Variants in NPL observed in about 807,000 individuals in gnomAD.
NPL encodes the protein N-acetylneuraminate lyase.
Under a neutral mutation model 41.1 loss-of-function variants are expected in NPL, and 32 were observed. The observed-to-expected ratio is 0.78, with a 90% CI of 0.59 to 1.05. NPL has a LOEUF of 1.05. Among genes scored for constraint, NPL ranks in the 50% least tolerant of loss-of-function variants. NPL has a pLI of 0.00. For missense variants in NPL, 321 were observed against 378.4 expected, an observed-to-expected ratio of 0.85 and a Z score of 1.26; for synonymous variants, 128 against 134.9, an observed-to-expected ratio of 0.95 and a Z score of 0.35.
At chr1:182,808,600 A>G (rs994340310) in intron 5 of NPL, among the ~76,000 whole-genome samples, 17 of 152,142 alleles carry the variant, frequency 1.1e-4, no homozygotes, top group Admixed American at 6.5e-4. Context: ...AAAAATGTTG[A>G]GCGTGTTTCT....
intron 6 of NPL, among the ~76,000 whole-genome samples, chr1:182,814,407 A>G (rs776032734): frequency 1.3e-5 from 2 of 152,336 alleles, no homozygotes; most frequent in Non-Finnish European, 2.9e-5. Flanking sequence ...ATTTTACAAT[A>G]TGACTGTCTT....
In NPL at chr1:182,829,857, T is replaced by C. The variant is rs1667722737; in HGVS notation, c.*949T>C. On this transcript the variant is annotated 3_prime_UTR_variant, in exon 13 of 13. Transcript: ENST00000367553. ...CTCAGAACTTTCTCTCCATACCTCCTTTTACTCTTTTCTTTCTGTGTAATG... is the reference window on the plus strand; with the variant it reads ...CTCAGAACTTTCTCTCCATACCTCCCTTTACTCTTTTCTTTCTGTGTAATG... The C allele has an allele frequency of 1.8e-6, 1 of 544,978 alleles. No homozygotes were observed. The allele number at this position is 544,978 out of a possible 1,614,324, so 33.8% of individuals were successfully genotyped here.
In NPL at chr1:182,806,435, C is replaced by T. The variant is rs554736137; in HGVS notation, c.230+203C>T. 4 of 1,537,272 alleles carry T rather than the reference C, an allele frequency of 2.6e-6. No individual in the cohort carries two copies. In the African/African-American group the frequency reaches 5.5e-5, roughly 21 times the overall value. On this transcript the variant is annotated intron_variant, in intron 5 of 12. Coordinates refer to ENST00000367553, the MANE Select transcript of NPL (RefSeq NM_030769.3). ...TCTGTGCAGAAGGGCAGCCAAACTG[C>T]TAGACACACCTGCCACCCAGAGGTT...
rs1571283504 is a variant in NPL at position 182,829,160 on chromosome 1, G to A, written c.*252G>A. Reference sequence around the variant, plus strand: ...TGGAGAAATTTCTGTTTATATGGATGAAATGGAATCAAGAGGAAAATTGTA... The same window carrying A: ...TGGAGAAATTTCTGTTTATATGGATAAAATGGAATCAAGAGGAAAATTGTA... On this transcript the variant is annotated 3_prime_UTR_variant, in exon 13 of 13. Coordinates refer to ENST00000367553, the MANE Select transcript of NPL (RefSeq NM_030769.3). 1 of 1,340,878 alleles carries A rather than the reference G, an allele frequency of 7.5e-7. No individual in the cohort carries two copies. The highest frequency in any genetic ancestry group is 1.5e-5 in the African/African-American group (1 of 67,726). 83.1% of individuals were successfully genotyped at this position (1,340,878 alleles called of 1,614,324 possible).
Position 182,818,521 on chromosome 1 carries a change from G to A in NPL, c.458-20G>A. On this transcript the variant is annotated intron_variant, in intron 8 of 12. Coordinates refer to ENST00000367553, the MANE Select transcript of NPL (RefSeq NM_030769.3). ...TCCTAGAGATGTGCAGATTAATGAG[G>A]CACTTATTATTTTGAGCAGTTCGTG... 6.2e-7 allele frequency: 1 copy of A among 1,613,124 alleles called. No individual in the cohort carries two copies. Among genetic ancestry groups the A allele is most frequent in the Non-Finnish European group, 8.5e-7 (1 of 1,179,980 alleles).
At chr1:182,795,065 T>C (rs1666620145) in intron 3 of NPL, among the ~76,000 whole-genome samples, 1 of 152,152 alleles carries the variant, frequency 6.6e-6, no homozygotes, top group African/African-American at 2.4e-5. Context: ...TCCAGATGAA[T>C]ACAGTGGCAG....
At chr1:182,812,287 T>TAC in intron 6 of NPL, 74 bp downstream of exon 6, 1 of 1,285,232 alleles carries the variant, frequency 7.8e-7, no homozygotes, top group Non-Finnish European at 1.1e-6. Flanking sequence ...AAATCAGTAC[T>TAC]ATATTTGCTA....
chr1:182,820,349 C>G (rs1007243542), intron 10 of NPL, among the ~76,000 whole-genome samples: 2 of 152,162 alleles, frequency 1.3e-5, no homozygotes, highest in African/African-American at 4.8e-5. Flanking sequence ...TATAACATGT[C>G]TTGGTGAGCC....
chr1:182,790,682 C>T (rs1666484338), intron 1 of NPL, among the ~76,000 whole-genome samples: 2 of 152,040 alleles, frequency 1.3e-5, no homozygotes, highest in South Asian at 2.1e-4. Flanking sequence ...TCGCTCTTGT[C>T]GCCCAGGCCG....
Position 182,829,542 on chromosome 1 carries a change from C to T in NPL, c.*634C>T. The T allele has an allele frequency of 2.0e-6, 3 of 1,521,618 alleles. No homozygotes were observed. In the South Asian group the frequency reaches 3.6e-5, roughly 18 times the overall value. The allele number at this position is 1,521,618 out of a possible 1,614,324, so 94.3% of individuals were successfully genotyped here. A position where few individuals can be genotyped will look rare whatever the true frequency, so the allele number is the denominator to read the frequency against. The stretch of plus-strand genomic sequence containing the variant: ...ATAACTAAGTAAAGGGCGGCTTTCT[C>T]ATAACAAAGGAAAAAGTCTTCCCCA... On this transcript the variant is annotated 3_prime_UTR_variant, in exon 13 of 13. Transcript: ENST00000367553.
chr1:182,803,163 T>C (rs1475629903), intron 3 of NPL, among the ~76,000 whole-genome samples: 1 of 152,248 alleles, frequency 6.6e-6, no homozygotes, highest in East Asian at 1.9e-4. Flanking sequence ...TCCTAATAAT[T>C]GATCATGGAT....
intron 6 of NPL, among the ~76,000 whole-genome samples, chr1:182,813,025 C>T (rs1025077000): frequency 1.6e-4 from 24 of 151,802 alleles, no homozygotes; most frequent in African/African-American, 2.9e-4. Flanking sequence ...TGGTGGTGGG[C>T]GCCTATAATC....
Position 182,814,836 on chromosome 1 carries a change from C to G in NPL, c.342C>G (p.Phe114Leu). ...GADGIAVIAP[F>L]FLKPWTKDIL... is the part of the protein sequence containing the mutation. ...ATGGCATCGCTGTCATTGCACCGTT[C>G]TTCCTCAAGCCATGGACCAAAGGTA... is the stretch of plus-strand genomic sequence containing the variant. The change falls in exon 7 of 13, where the codon TTC (phenylalanine) becomes TTG (leucine). Residue 114 changes from phenylalanine (F) to leucine (L), a missense_variant. Transcript: ENST00000367553. 1 of 1,614,082 alleles carries G rather than the reference C, an allele frequency of 6.2e-7. No homozygotes were observed.
chr1:182,797,317 T>C (rs558611475), intron 3 of NPL, among the ~76,000 whole-genome samples: 2 of 152,328 alleles, frequency 1.3e-5, no homozygotes, highest in Admixed American at 1.3e-4. Context: ...ATATGGCCCA[T>C]GGACCAGTTG....
At chr1:182,823,571 A>G (rs1231004903) in intron 11 of NPL, among the ~76,000 whole-genome samples, 2 of 152,228 alleles carry the variant, frequency 1.3e-5, no homozygotes, top group African/African-American at 4.8e-5. Context: ...TGGTTTAGAT[A>G]AGGGTGAGAA....
chr1:182,829,609 C>G lies in NPL; in HGVS notation c.*701C>G, dbSNP rs1667715732. The G allele has an allele frequency of 1.9e-6, 3 of 1,550,132 alleles. No individual in the cohort carries two copies. The highest frequency in any genetic ancestry group is 2.6e-6 in the Non-Finnish European group (3 of 1,146,376). On this transcript the variant is annotated 3_prime_UTR_variant, in exon 13 of 13. Coordinates refer to ENST00000367553, the MANE Select transcript of NPL (RefSeq NM_030769.3). ...TCCACTTTTTTCTATACAGAAAACT[C>G]AAAACTCAAAGTTTCAAAGAACCAA...
intron 5 of NPL, among the ~76,000 whole-genome samples, chr1:182,810,917 G>A (rs901235107): frequency 6.6e-6 from 1 of 152,080 alleles, no homozygotes; most frequent in Non-Finnish European, 1.5e-5. Flanking sequence ...TTCACAGCTG[G>A]TTCATAACAG....
At chr1:182,800,435 C>CAAAAA (rs1053733197) in intron 3 of NPL, among the ~76,000 whole-genome samples, 1 of 51,606 alleles carries the variant, frequency 1.9e-5, no homozygotes, top group Non-Finnish European at 4.9e-5. Flanking sequence ...GACCCTGTCT[C>CAAAAA]AAAAAAAAAA....
intron 3 of NPL, among the ~76,000 whole-genome samples, chr1:182,802,897 T>G (rs1268485764): frequency 2.6e-5 from 4 of 152,172 alleles, no homozygotes; most frequent in Admixed American, 6.5e-5. Flanking sequence ...GGCCGGACTG[T>G]GTGGGGCTTG....
Sources: allele counts gnomAD v4.1 joint callset (sites outside exome capture counted in the v4.1 genomes callset), GRCh38; gene constraint gnomAD v4.1.1; transcripts MANE v1.5; gene names NCBI Gene and HGNC (gene_info 2026-07-23, HGNC 2026-07-21).